THSD7A: variants seen among roughly 807,000 people sequenced by gnomAD.
THSD7A encodes the protein thrombospondin type-1 domain-containing protein 7A.
In THSD7A, 96 loss-of-function variants were observed where a neutral mutation model predicts 231.3. The ratio of observed to expected loss-of-function variants is 0.41; its 90% CI spans 0.35 to 0.49. The LOEUF (loss-of-function observed/expected upper bound fraction) is 0.49, where lower values mean the gene tolerates loss of function less well. THSD7A is among the 20% of genes least tolerant of loss of function. THSD7A has a pLI of 0.05. For missense variants in THSD7A, 2,290 were observed against 2,070.2 expected, an observed-to-expected ratio of 1.11 and a Z score of -2.06; for synonymous variants, 940 against 743.3, an observed-to-expected ratio of 1.26 and a Z score of -4.30.
intron 1 of THSD7A, among the ~76,000 whole-genome samples, chr7:11,658,047 A>G (rs988471832): frequency 1.1e-4 from 17 of 151,736 alleles, no homozygotes; most frequent in African/African-American, 3.9e-4. Flanking sequence ...GCTAGCTTCA[A>G]CAAGGGACCA....
At chr7:11,736,752 CAAAG>C (rs1213709608) in intron 1 of THSD7A, among the ~76,000 whole-genome samples, 1 of 151,862 alleles carries the variant, frequency 6.6e-6, no homozygotes, top group East Asian at 1.9e-4. Flanking sequence ...TTCTGGCTTT[CAAAG>C]AAAGTGAAAA....
Position 11,588,360 on chromosome 7 carries a change from T to A in THSD7A, c.1453+2100A>T, listed in dbSNP as rs536066960. Among the ~76,000 whole-genome samples, 6 of 152,244 alleles carry A rather than the reference T, an allele frequency of 3.9e-5. No individual in the cohort carries two copies. In the South Asian group the frequency reaches 1.2e-3, roughly 32 times the overall value. Reference sequence around the variant, plus strand: ...CTACATTTTTAGGGAGAATTAACTGTTTTTGCAAAGACTTTAAGAAGTTCG... The same window carrying A: ...CTACATTTTTAGGGAGAATTAACTGATTTTGCAAAGACTTTAAGAAGTTCG... On this transcript the variant is annotated intron_variant, in intron 4 of 27. Transcript: ENST00000423059.
intron 24 of THSD7A, 142 bp downstream of exon 24, chr7:11,382,379 T>A (rs1469754133): frequency 1.5e-6 from 1 of 666,544 alleles, no homozygotes; most frequent in African/African-American, 1.8e-5. Context: ...ACCAGATGGG[T>A]ATATACAGCT....
chr7:11,516,033 T>C (rs1562676057), intron 6 of THSD7A, among the ~76,000 whole-genome samples: 1 of 152,190 alleles, frequency 6.6e-6, no homozygotes, highest in Non-Finnish European at 1.5e-5. Flanking sequence ...AACTTTTGGT[T>C]GTGATCATTT....
intron 1 of THSD7A, among the ~76,000 whole-genome samples, chr7:11,747,521 T>C (rs1019856236): frequency 1.3e-5 from 2 of 151,980 alleles, no homozygotes; most frequent in African/African-American, 4.8e-5. Context: ...TTTCTAATGT[T>C]TTATTCATTT....
intron 11 of THSD7A, among the ~76,000 whole-genome samples, chr7:11,459,633 G>T (rs1304511728): frequency 8.4e-6 from 1 of 118,710 alleles, no homozygotes; most frequent in East Asian, 2.8e-4. Flanking sequence ...TCCAGAAGAA[G>T]ACTTCTAAAA....
intron 4 of THSD7A, among the ~76,000 whole-genome samples, chr7:11,559,877 A>G (rs1372964429): frequency 2.6e-5 from 4 of 152,186 alleles, no homozygotes; most frequent in African/African-American, 9.7e-5. Context: ...AAAATGTAAA[A>G]TAATTTGGAA....
At chr7:11,477,416 T>C (rs959198594) in intron 7 of THSD7A, among the ~76,000 whole-genome samples, 2 of 152,212 alleles carry the variant, frequency 1.3e-5, no homozygotes, top group African/African-American at 2.4e-5. Context: ...TTGGTTTGCT[T>C]CATTATTGAT....
At chr7:11,592,203 A>G (rs765712229) in intron 3 of THSD7A, among the ~76,000 whole-genome samples, 2 of 152,226 alleles carry the variant, frequency 1.3e-5, no homozygotes, top group Non-Finnish European at 2.9e-5. Context: ...TTTTCACATT[A>G]GAACACAATG....
chr7:11,756,284 A>T (rs146857731), intron 1 of THSD7A, among the ~76,000 whole-genome samples: 6 of 152,242 alleles, frequency 3.9e-5, no homozygotes, highest in Admixed American at 6.5e-5. Flanking sequence ...TACAAAGATG[A>T]CCAAACATTT....
Position 11,649,116 on chromosome 7 carries a change from T to C in THSD7A, c.191-12155A>G, listed in dbSNP as rs145209822. Among the ~76,000 whole-genome samples, 639 of 152,178 alleles carry C rather than the reference T, an allele frequency of 4.2e-3. 3 individuals carry two copies. The highest frequency in any genetic ancestry group is 0.015 in the African/African-American group (606 of 41,548). ...TAGATTATGAAAGATATGTGGCTTC[T>C]GACTTGCCCTCTCTTGGTTCATTCA... On this transcript the variant is annotated intron_variant, in intron 1 of 27. Coordinates refer to ENST00000423059, the MANE Select transcript of THSD7A (RefSeq NM_015204.3).
chr7:11,684,483 G>C (rs1779960719), intron 1 of THSD7A, among the ~76,000 whole-genome samples: 1 of 150,456 alleles, frequency 6.6e-6, no homozygotes, highest in African/African-American at 2.4e-5. Context: ...TAATTAGAAA[G>C]CCCTAAAGAT....
intron 6 of THSD7A, among the ~76,000 whole-genome samples, chr7:11,517,743 T>C (rs1252624336): frequency 6.6e-6 from 1 of 152,240 alleles, no homozygotes; most frequent in African/African-American, 2.4e-5. Context: ...TTATAGTAGG[T>C]TTATTTTTCT....
intron 1 of THSD7A, among the ~76,000 whole-genome samples, chr7:11,652,980 G>A (rs568135054): frequency 1.3e-5 from 2 of 151,884 alleles, no homozygotes; most frequent in Non-Finnish European, 2.9e-5. Flanking sequence ...AAAGCGAATT[G>A]AGGAATAGCT....
intron 6 of THSD7A, among the ~76,000 whole-genome samples, chr7:11,516,933 G>C (rs1788053938): frequency 6.6e-6 from 1 of 152,106 alleles, no homozygotes; most frequent in African/African-American, 2.4e-5. Context: ...CATGTAGACA[G>C]AGCCTTTACA....
chr7:11,824,394 A>C (rs1048435304), intron 1 of THSD7A, among the ~76,000 whole-genome samples: 31 of 152,206 alleles, frequency 2.0e-4, no homozygotes, highest in Admixed American at 5.2e-4. Flanking sequence ...CCCAAACTAC[A>C]ATCGCACTTC....
At chr7:11,423,109 T>C (rs1301450439) in intron 16 of THSD7A, among the ~76,000 whole-genome samples, 1 of 152,140 alleles carries the variant, frequency 6.6e-6, no homozygotes, top group East Asian at 1.9e-4. Flanking sequence ...CTCTTCCCCA[T>C]TCCCAGTCCA....
chr7:11,557,711 G>A (rs1027307265), intron 4 of THSD7A, among the ~76,000 whole-genome samples: 1 of 152,124 alleles, frequency 6.6e-6, no homozygotes, highest in Non-Finnish European at 1.5e-5. Flanking sequence ...ATAACAAAGA[G>A]GAACTTCTAG....
chr7:11,534,113 G>A (rs1011362238), intron 6 of THSD7A, among the ~76,000 whole-genome samples: 4 of 152,138 alleles, frequency 2.6e-5, no homozygotes, highest in Non-Finnish European at 5.9e-5. Flanking sequence ...TAAACTTTAA[G>A]CCTGATAATA....
Sources: gnomAD v4.1 joint callset for allele counts (sites outside exome capture counted in the v4.1 genomes callset) on GRCh38, gnomAD v4.1.1 for gene constraint, MANE v1.5 for transcripts, NCBI Gene and HGNC (gene_info 2026-07-23, HGNC 2026-07-21) for gene names.